The following PTPRO variants were observed in gnomAD, a reference collection of about 807,000 sequenced individuals.
The protein encoded by PTPRO is receptor-type tyrosine-protein phosphatase O.
In PTPRO, 62 loss-of-function variants were observed where a neutral mutation model predicts 145.2. That is an observed-to-expected ratio of 0.43 (90% CI 0.35 to 0.53). The LOEUF (loss-of-function observed/expected upper bound fraction) is 0.53. Among genes scored for constraint, PTPRO ranks in the 20% least tolerant of loss-of-function variants. The pLI, the probability that PTPRO is intolerant of heterozygous loss-of-function variation, is 0.01. For synonymous variants in PTPRO, 565 were observed against 514.7 expected (o/e 1.10, Z -1.32); for missense variants, 1,345 against 1,482.7 (o/e 0.91, Z 1.53).
At chr12:15,483,361 A>G (rs1256727252) in intron 1 of PTPRO, among the ~76,000 whole-genome samples, 3 of 152,134 alleles carry the variant, frequency 2.0e-5, no homozygotes, top group Non-Finnish European at 4.4e-5. Context: ...GATCCCCTAG[A>G]CACCAGCAGA....
At chr12:15,427,077 C>T (rs2136335060) in intron 1 of PTPRO, among the ~76,000 whole-genome samples, 1 of 152,112 alleles carries the variant, frequency 6.6e-6, no homozygotes, top group African/African-American at 2.4e-5. Context: ...TTACATTTAA[C>T]TCCCGGACAA....
At chr12:15,435,450 T>A (rs970674183) in intron 1 of PTPRO, among the ~76,000 whole-genome samples, 1 of 152,206 alleles carries the variant, frequency 6.6e-6, no homozygotes, top group African/African-American at 2.4e-5. Context: ...TATTTATTAA[T>A]GTCAACAGTG....
intron 1 of PTPRO, among the ~76,000 whole-genome samples, chr12:15,333,792 C>T (rs904176846): frequency 6.6e-6 from 1 of 152,136 alleles, no homozygotes; most frequent in Non-Finnish European, 1.5e-5. Flanking sequence ...GATAATGTTC[C>T]TGACCCTTTT....
chr12:15,528,450 A>G (rs2080474), intron 12 of PTPRO, among the ~76,000 whole-genome samples: 148,811 of 148,822 alleles, frequency 1, 74,400 homozygotes, highest in Middle Eastern at 1. Flanking sequence ...ATGTGAACTC[A>G]GGAGGTGGAG....
intron 7 of PTPRO, among the ~76,000 whole-genome samples, chr12:15,514,619 C>G (rs1286725495): frequency 6.6e-6 from 1 of 151,834 alleles, no homozygotes; most frequent in African/African-American, 2.4e-5. Context: ...TTAAAGGTCC[C>G]AACACTAGGC....
At chr12:15,433,337 G>T (rs911721929) in intron 1 of PTPRO, among the ~76,000 whole-genome samples, 1 of 151,882 alleles carries the variant, frequency 6.6e-6, no homozygotes, top group Admixed American at 6.6e-5. Context: ...CACCATGCTC[G>T]GCTAACTTTT....
At chr12:15,500,757 A>G (rs1384477829) in intron 4 of PTPRO, among the ~76,000 whole-genome samples, 2 of 152,062 alleles carry the variant, frequency 1.3e-5, no homozygotes, top group South Asian at 4.1e-4. Context: ...CCCCATCTCT[A>G]CTAAGAATAC....
chr12:15,508,943 G>A (rs1942378623), intron 7 of PTPRO, among the ~76,000 whole-genome samples, 176 bp downstream of exon 7: 1 of 152,170 alleles, frequency 6.6e-6, no homozygotes. Context: ...CTTTTTGATG[G>A]CACTGTCATC....
In PTPRO at chr12:15,512,076, G is replaced by A. The variant is rs1020551777; in HGVS notation, c.1464+3309G>A. ...ACACTTATAGTCAGATGTCTACAAT[G>A]TGTTAAGTTTAAATGGAGCAATGTT... On this transcript the variant is annotated intron_variant, in intron 7 of 26. Transcript: ENST00000281171. 2.6e-5 allele frequency among the ~76,000 whole-genome samples: 4 copies of A among 151,818 alleles called. No individual in the cohort carries two copies. The East Asian group carries it at 7.7e-4, about 29-fold the overall frequency.
At chr12:15,552,208 C>A (rs1371036170) in intron 15 of PTPRO, among the ~76,000 whole-genome samples, 1 of 152,060 alleles carries the variant, frequency 6.6e-6, no homozygotes, top group African/African-American at 2.4e-5. Context: ...ATTAGAAAAG[C>A]CTTTGATTTA....
At position 15,516,902 on chromosome 12, in the gene PTPRO, A is replaced by G; in HGVS notation, c.1725A>G (p.Ser575=). 6.2e-7 allele frequency: 1 copy of G among 1,614,056 alleles called. No individual in the cohort carries two copies. Among genetic ancestry groups the G allele is most frequent in the Non-Finnish European group, 8.5e-7 (1 of 1,179,874 alleles). The change falls in exon 9 of 27, where the codon TCA becomes TCG. Residue 575 remains serine (S), a synonymous_variant. Coordinates refer to ENST00000281171, the MANE Select transcript of PTPRO (RefSeq NM_030667.3). The part of the protein sequence containing the change: ...MFYFNPATMT[S]EWTTYYEIAA... ...ATTTCAACCCTGCTACAATGACATC[A>G]GAGTGGACCACCTACTATGAAATAG...
Position 15,508,662 on chromosome 12 carries a change from G to A in PTPRO, c.1359G>A (p.Trp453Ter). Residue 453 changes from tryptophan to a stop codon, truncating the protein, a stop_gained, in exon 7 of 27, where the codon TGG becomes TGA. Transcript: ENST00000281171. LOFTEE classifies it high-confidence loss of function. ...VLSSTTALMS[W>*]TSSQENYNST... is the part of the protein sequence containing the mutation. ...GCTCAACCACTGCCTTGATGTCCTG[G>A]ACATCTTCCCAAGAGAACTACAACA... is the stretch of plus-strand genomic sequence containing the variant. 1 of 1,614,058 alleles carries A rather than the reference G, an allele frequency of 6.2e-7. No homozygotes were observed. Among genetic ancestry groups the A allele is most frequent in the Non-Finnish European group, 8.5e-7 (1 of 1,179,988 alleles).
intron 2 of PTPRO, among the ~76,000 whole-genome samples, chr12:15,485,559 G>A (rs1450352605): frequency 6.6e-6 from 1 of 152,088 alleles, no homozygotes; most frequent in Non-Finnish European, 1.5e-5. Context: ...ATTTAGTTGA[G>A]CAAGTAATAG....
At chr12:15,394,348 T>G (rs929879483) in intron 1 of PTPRO, among the ~76,000 whole-genome samples, 1 of 152,088 alleles carries the variant, frequency 6.6e-6, no homozygotes, top group African/African-American at 2.4e-5. Flanking sequence ...AGTAATCTGC[T>G]TTATTTCTCT....
chr12:15,571,280 A>ATTTTT (rs1944041332), intron 19 of PTPRO, among the ~76,000 whole-genome samples: 3 of 150,880 alleles, frequency 2.0e-5, no homozygotes, highest in Admixed American at 6.6e-5. Context: ...TTTTTCTGTC[A>ATTTTT]CTTTTGTTTT....
chr12:15,419,841 G>A (rs1053270008), intron 1 of PTPRO, among the ~76,000 whole-genome samples: 1 of 151,544 alleles, frequency 6.6e-6, no homozygotes, highest in Non-Finnish European at 1.5e-5. Context: ...AATTGAATTA[G>A]TTGCATATAA....
intron 16 of PTPRO, among the ~76,000 whole-genome samples, chr12:15,559,678 T>G (rs1943723288): frequency 6.6e-6 from 1 of 152,166 alleles, no homozygotes; most frequent in South Asian, 2.1e-4. Flanking sequence ...ATACAGAAAG[T>G]CACACCTAGT....
At chr12:15,359,902 G>T (rs1385440127) in intron 1 of PTPRO, among the ~76,000 whole-genome samples, 2 of 152,054 alleles carry the variant, frequency 1.3e-5, no homozygotes, top group African/African-American at 4.8e-5. Context: ...ACTCAGCTTT[G>T]TTCCAACAAC....
intron 1 of PTPRO, among the ~76,000 whole-genome samples, chr12:15,445,609 GT>G (rs970395161): frequency 6.6e-6 from 1 of 152,110 alleles, no homozygotes; most frequent in Non-Finnish European, 1.5e-5. Context: ...TAAGTAAAAT[GT>G]TCTGTCCCGC....
Sources: allele counts gnomAD v4.1 joint callset (sites outside exome capture counted in the v4.1 genomes callset), GRCh38; gene constraint gnomAD v4.1.1; transcripts MANE v1.5; gene names NCBI Gene and HGNC (gene_info 2026-07-23, HGNC 2026-07-21).